PYY: variants seen among roughly 807,000 people sequenced by gnomAD.
PYY encodes peptide tyrosine tyrosine.
In PYY, 12 loss-of-function variants were observed where a neutral mutation model predicts 10.3. The ratio of observed to expected loss-of-function variants is 1.17; its 90% CI spans 0.75 to 1.89. The LOEUF is 1.89. Ranked by LOEUF, PYY falls within the 40% of genes most tolerant of loss-of-function variation. The probability of loss-of-function intolerance (pLI) is 0.00; values close to 1 mark genes in which losing one functional copy is unlikely to be tolerated. For missense variants in PYY, 141 were observed against 134.0 expected (o/e 1.05, Z -0.26); for synonymous variants, 66 against 62.0 (o/e 1.06, Z -0.30).
At chr17:43,954,632 C>A (rs2048660389), upstream of PYY, among the ~76,000 whole-genome samples, 2 of 152,152 alleles carry the variant, frequency 1.3e-5, no homozygotes, top group Admixed American at 1.3e-4. Context: ...ACCTGTGTAT[C>A]CAGACTGGCA....
intron 1 of PYY, among the ~76,000 whole-genome samples, chr17:43,994,366 C>T (rs555660363): frequency 5.3e-4 from 81 of 152,196 alleles, no homozygotes; most frequent in Non-Finnish European, 1.1e-3. Context: ...CTCAAGCTAC[C>T]GTCGGCTTTA....
chr17:44,001,102 C>A (rs2049023522), intron 1 of PYY, among the ~76,000 whole-genome samples: 1 of 152,132 alleles, frequency 6.6e-6, no homozygotes, highest in Non-Finnish European at 1.5e-5. Flanking sequence ...GTGTGTGTGT[C>A]TCCCCTCAGG....
At chr17:43,965,462 C>T (rs2048747640) in intron 2 of PYY, among the ~76,000 whole-genome samples, 1 of 145,524 alleles carries the variant, frequency 6.9e-6, no homozygotes, top group Non-Finnish European at 1.5e-5. Flanking sequence ...GCCTGGGCGA[C>T]GGAGTGAGAC....
chr17:43,996,944 C>T (rs1255420912), intron 1 of PYY, among the ~76,000 whole-genome samples: 6 of 152,226 alleles, frequency 3.9e-5, no homozygotes, highest in Non-Finnish European at 2.9e-5. Flanking sequence ...CTGCCTCAGC[C>T]TCCCAAAGTG....
At chr17:43,986,817 C>T (rs111446350) in intron 1 of PYY, among the ~76,000 whole-genome samples, 2,071 of 152,310 alleles carry the variant, frequency 0.014, 40 homozygotes, top group African/African-American at 0.047. Context: ...TCAACACCAG[C>T]TGTCACAAAC....
rs546835410 is a variant in PYY, at chr17:43,994,046, GTC to G, written c.-463+10343_-463+10344del. Among the ~76,000 whole-genome samples the G allele has an allele frequency of 1.0e-3, 159 of 151,838 alleles. 1 individual carries two copies. Among genetic ancestry groups the G allele is most frequent in the South Asian group, 4.4e-3 (21 of 4,806 alleles). ...TTTTCAAATTATTTGTAGAGATGAG[GTC>G]TCTCTACATTACCTGGGCTTGTCTC... On this transcript the variant is annotated intron_variant, in intron 1 of 6. Coordinates refer to the PYY transcript ENST00000360085.
At chr17:43,961,497 T>C (rs975216006) in intron 2 of PYY, among the ~76,000 whole-genome samples, 5 of 129,192 alleles carry the variant, frequency 3.9e-5, no homozygotes, top group African/African-American at 1.5e-4. Context: ...CACGTGGCCA[T>C]GCCTAGCTAG....
chr17:43,998,802 G>C (rs1242140294), intron 1 of PYY, among the ~76,000 whole-genome samples: 1 of 152,160 alleles, frequency 6.6e-6, no homozygotes, highest in Non-Finnish European at 1.5e-5. Flanking sequence ...GAAGATGTGA[G>C]TAAAGTAGAT....
chr17:43,982,806 G>A (rs984491220), intron 1 of PYY, among the ~76,000 whole-genome samples: 1 of 152,190 alleles, frequency 6.6e-6, no homozygotes, highest in African/African-American at 2.4e-5. Flanking sequence ...CTCCAGGCTG[G>A]GGACAGCTGC....
At chr17:43,964,775 T>C (rs2143907939) in intron 2 of PYY, among the ~76,000 whole-genome samples, 1 of 151,946 alleles carries the variant, frequency 6.6e-6, no homozygotes, top group East Asian at 1.9e-4. Flanking sequence ...TGCACTCCAG[T>C]CTGGGCAACA....
At chr17:43,970,539 G>A (rs1006965611) in intron 1 of PYY, among the ~76,000 whole-genome samples, 7 of 152,064 alleles carry the variant, frequency 4.6e-5, no homozygotes, top group South Asian at 2.1e-4. Flanking sequence ...TGTAGTACAG[G>A]TGAAATGACA....
At chr17:43,965,564 C>A (rs558062557) in intron 2 of PYY, among the ~76,000 whole-genome samples, 11 of 144,814 alleles carry the variant, frequency 7.6e-5, no homozygotes, top group African/African-American at 2.8e-4. Context: ...CCAAGGCAGG[C>A]GGATCACTTG....
chr17:43,962,096 A>G (rs914787870), intron 2 of PYY, among the ~76,000 whole-genome samples: 1 of 152,172 alleles, frequency 6.6e-6, no homozygotes, highest in Non-Finnish European at 1.5e-5. Context: ...TTAGCTGAGT[A>G]TATGGCTTCC....
chr17:43,999,998 C>T (rs574087295), intron 1 of PYY, among the ~76,000 whole-genome samples: 2 of 152,138 alleles, frequency 1.3e-5, no homozygotes, highest in African/African-American at 2.4e-5. Context: ...CTATGTTTTC[C>T]GAGAGCTTCC....
At chr17:43,966,051 A>G (rs1219783756) in intron 2 of PYY, among the ~76,000 whole-genome samples, 2 of 152,020 alleles carry the variant, frequency 1.3e-5, no homozygotes, top group Non-Finnish European at 2.9e-5. Flanking sequence ...CCCTATCCAC[A>G]TAGTCCACTG....
intron 2 of PYY, among the ~76,000 whole-genome samples, chr17:43,964,376 A>G (rs1267127965): frequency 3.3e-5 from 5 of 152,222 alleles, no homozygotes; most frequent in Non-Finnish European, 2.9e-5. Flanking sequence ...GGAATCTACT[A>G]GAGAATAAAC....
chr17:43,955,009 C>T (rs1198168938), upstream of PYY, among the ~76,000 whole-genome samples: 2 of 152,210 alleles, frequency 1.3e-5, no homozygotes, highest in Non-Finnish European at 2.9e-5. Flanking sequence ...CAGGGTGAGG[C>T]AGAACCCAGG....
In PYY at chr17:43,980,527, C is replaced by T. The variant is rs2048877409; in HGVS notation, c.-462-13995G>A. Among the ~76,000 whole-genome samples, 4 of 151,544 alleles carry T rather than the reference C, an allele frequency of 2.6e-5. No individual in the cohort carries two copies. The South Asian group carries it at 8.3e-4, about 32-fold the overall frequency. On this transcript the variant is annotated intron_variant, in intron 1 of 6. Transcript: ENST00000360085. Reference sequence around the variant, plus strand: ...TCTCACTCTGTCACCCAGGCTGGAGCGTAGTAGCGCAATCTCGGCTCACTG... The same window carrying T: ...TCTCACTCTGTCACCCAGGCTGGAGTGTAGTAGCGCAATCTCGGCTCACTG...
intron 2 of PYY, among the ~76,000 whole-genome samples, chr17:43,964,713 G>A (rs149475856): frequency 6.6e-6 from 1 of 152,158 alleles, no homozygotes; most frequent in African/African-American, 2.4e-5. Context: ...TGAGGCAGGA[G>A]AATCGCTTGA....
Sources: gnomAD v4.1 joint callset for allele counts (sites outside exome capture counted in the v4.1 genomes callset) on GRCh38, gnomAD v4.1.1 for gene constraint, MANE v1.5 for transcripts, NCBI Gene and HGNC (gene_info 2026-07-23, HGNC 2026-07-21) for gene names.